The following CEP57 variants were observed in gnomAD, a reference collection of about 807,000 sequenced individuals.
CEP57 encodes the protein centrosomal protein of 57 kDa.
A neutral mutation model predicts 68.0 loss-of-function variants in CEP57; 40 were observed. The observed-to-expected ratio is 0.59, with a 90% confidence interval of 0.46 to 0.77. CEP57 has a LOEUF of 0.77. CEP57 is among the 30% of genes least tolerant of loss of function. The pLI is 0.00. For missense variants in CEP57, 606 were observed against 580.7 expected, an observed-to-expected ratio of 1.04 and a Z score of -0.45; for synonymous variants, 219 against 198.7, an observed-to-expected ratio of 1.10 and a Z score of -0.86.
intron 2 of CEP57, among the ~76,000 whole-genome samples, chr11:95,811,595 C>A (rs561665338): frequency 0.021 from 3,030 of 143,518 alleles, 40 homozygotes; most frequent in Non-Finnish European, 0.033. Flanking sequence ...AAAAAAAAAA[C>A]GTGATGGGAA....
At chr11:95,813,188 A>C in intron 3 of CEP57, 77 bp downstream of exon 3, 1 of 1,409,524 alleles carries the variant, frequency 7.1e-7, no homozygotes, top group Non-Finnish European at 9.9e-7. Flanking sequence ...GAAATAGTAC[A>C]TTAGTGTTTT....
rs1320517902 is a variant in CEP57, at chr11:95,831,863, C to A, written c.*607C>A. On this transcript the variant is annotated 3_prime_UTR_variant, in exon 11 of 11. Coordinates refer to ENST00000325542, the MANE Select transcript of CEP57 (RefSeq NM_014679.5). ...TTTTAATCTGTTAATTTTTTAAAGA[C>A]CCAAGCAGTCATTTTGAGTTATATC... The A allele has an allele frequency of 1.3e-5, 2 of 151,866 alleles. No individual in the cohort carries two copies. Among genetic ancestry groups the A allele is most frequent in the Admixed American group, 6.6e-5 (1 of 15,226 alleles). 9.4% of individuals were successfully genotyped at this position (151,866 alleles called of 1,614,324 possible). A position where few individuals can be genotyped will look rare whatever the true frequency, so the allele number is the denominator to read the frequency against.
intron 4 of CEP57, among the ~76,000 whole-genome samples, chr11:95,816,086 T>C (rs555773051): frequency 6.6e-6 from 1 of 152,330 alleles, no homozygotes; most frequent in South Asian, 2.1e-4. Context: ...CTAGGTAATT[T>C]ATGAAAGAAA....
intron 2 of CEP57, among the ~76,000 whole-genome samples, chr11:95,811,819 T>A (rs1862075718): frequency 6.6e-6 from 1 of 152,204 alleles, no homozygotes. Context: ...CTCATTAGAA[T>A]GGCTATGATT....
chr11:95,814,259 G>A (rs1862203275), intron 4 of CEP57, among the ~76,000 whole-genome samples: 1 of 151,866 alleles, frequency 6.6e-6, no homozygotes, highest in Non-Finnish European at 1.5e-5. Context: ...GATGTGGCCA[G>A]GCTGGTCTCA....
intron 2 of CEP57, among the ~76,000 whole-genome samples, chr11:95,809,217 A>G (rs1002626396): frequency 6.6e-6 from 1 of 152,216 alleles, no homozygotes; most frequent in Non-Finnish European, 1.5e-5. Context: ...GTAGAGGGAA[A>G]TTTATAGCAC....
intron 2 of CEP57, among the ~76,000 whole-genome samples, chr11:95,804,422 C>T (rs117990683): frequency 0.017 from 2,594 of 152,136 alleles, 38 homozygotes; most frequent in South Asian, 0.064. Context: ...TAGGTATAAG[C>T]CTTAAATGTT....
intron 2 of CEP57, among the ~76,000 whole-genome samples, chr11:95,801,470 T>G (rs1335669267): frequency 1.1e-5 from 1 of 95,026 alleles, no homozygotes; most frequent in Non-Finnish European, 2.1e-5. Context: ...AAAAAAAAAA[T>G]GACTGAAGCC....
At chr11:95,826,608 A>C (rs962587015) in intron 8 of CEP57, 4 of 152,186 alleles carry the variant, frequency 2.6e-5, no homozygotes, top group African/African-American at 9.7e-5. Context: ...AGGAAAAAAA[A>C]ATTTCATTAT....
In CEP57 at chr11:95,831,795, G is replaced by A. The variant is rs1235825072; in HGVS notation, c.*539G>A. ...TCAGAGGATTTTTATTTTGCTTTTT[G>A]GCATTTCAGACTTTGATCAGTGTTA... On this transcript the variant is annotated 3_prime_UTR_variant, in exon 11 of 11. Coordinates refer to ENST00000325542, the MANE Select transcript of CEP57 (RefSeq NM_014679.5). 6.6e-6 allele frequency: 1 copy of A among 151,724 alleles called. No individual in the cohort carries two copies. The highest frequency in any genetic ancestry group is 1.9e-4 in the East Asian group (1 of 5,174). The allele number at this position is 151,724 out of a possible 1,614,324, so 9.4% of individuals were successfully genotyped here.
Position 95,817,878 on chromosome 11 carries a change from T to C in CEP57, c.596T>C (p.Leu199Pro), listed in dbSNP as rs753689335. 2 of 1,612,534 alleles carry C rather than the reference T, an allele frequency of 1.2e-6. No homozygotes were observed. The highest frequency in any genetic ancestry group is 2.7e-5 in the African/African-American group (2 of 74,878). Residue 199 changes from leucine (L) to proline (P), a missense_variant, in exon 5 of 11, where the codon CTT (leucine) becomes CCT (proline). Transcript: ENST00000325542. ...CTTCTTGAACAGGAGTATAACAAAC[T>C]TACCACAATGCAGGCCCTTGCAGAA... is the stretch of plus-strand genomic sequence containing the variant. ...LDLLEQEYNK[L>P]TTMQALAEKK... is the part of the protein sequence containing the mutation.
chr11:95,799,449 C>CT, intron 2 of CEP57, 61 bp downstream of exon 2: 1 of 1,593,360 alleles, frequency 6.3e-7, no homozygotes, highest in Non-Finnish European at 8.6e-7. Flanking sequence ...AAATTCTTAA[C>CT]TTTGTCCTCC....
At chr11:95,803,335 GA>G (rs1228756702) in intron 2 of CEP57, among the ~76,000 whole-genome samples, 1 of 152,144 alleles carries the variant, frequency 6.6e-6, no homozygotes, top group Non-Finnish European at 1.5e-5. Flanking sequence ...AAGTATAATA[GA>G]GAACACTACT....
chr11:95,825,847 C>T (rs1862719671), intron 8 of CEP57: 1 of 152,118 alleles, frequency 6.6e-6, no homozygotes, highest in South Asian at 2.1e-4. Context: ...ATCCACCTGC[C>T]TCAGCCTCCC....
In CEP57 at chr11:95,821,924, G is replaced by C. The variant is rs11742; in HGVS notation, c.753G>C (p.Pro251=). The C allele has an allele frequency of 1.2e-6, 2 of 1,612,476 alleles. No homozygotes were observed. Among genetic ancestry groups the C allele is most frequent in the Non-Finnish European group, 8.5e-7 (1 of 1,179,420 alleles). The change falls in exon 7 of 11, where the codon CCG becomes CCC. Residue 251 remains proline (P), a synonymous_variant. Coordinates refer to ENST00000325542, the MANE Select transcript of CEP57 (RefSeq NM_014679.5). Reference sequence around the variant, plus strand: ...TTATCTTTGAAGATAAGGCAACTCCGTGTGTTCCCAATGCAAGAAGAATTA... The same window carrying C: ...TTATCTTTGAAGATAAGGCAACTCCCTGTGTTCCCAATGCAAGAAGAATTA... The part of the protein sequence containing the change: ...NRLIFEDKAT[P]CVPNARRIKK...
intron 2 of CEP57, among the ~76,000 whole-genome samples, chr11:95,806,728 A>G (rs478734): frequency 0.6 from 90,550 of 152,088 alleles, 29,188 homozygotes; most frequent in African/African-American, 0.86. Context: ...CTGGAAGCTC[A>G]AACTGGGTGG....
At chr11:95,795,515 G>A in intron 1 of CEP57, 1 of 458,484 alleles carries the variant, frequency 2.2e-6, no homozygotes, top group Non-Finnish European at 3.8e-6. Context: ...TTTTTTCTTA[G>A]TGTGCAGACT....
In CEP57 at chr11:95,790,567, C is replaced by T. The variant is rs997773486; in HGVS notation, c.-132C>T. On this transcript the variant is annotated 5_prime_UTR_variant, in exon 1 of 11. Transcript: ENST00000325542. Reference sequence around the variant, plus strand: ...TTGCAGGGGTTTCCAAGCCCAGCACCAGCACCCTTGCCCTTTTCCATCAGG... The same window carrying T: ...TTGCAGGGGTTTCCAAGCCCAGCACTAGCACCCTTGCCCTTTTCCATCAGG... The T allele has an allele frequency of 3.2e-5, 35 of 1,089,646 alleles. No individual in the cohort carries two copies. Among genetic ancestry groups the T allele is most frequent in the Non-Finnish European group, 4.2e-5 (31 of 734,642 alleles). 67.5% of individuals were successfully genotyped at this position (1,089,646 alleles called of 1,614,324 possible).
intron 2 of CEP57, among the ~76,000 whole-genome samples, chr11:95,807,103 A>G (rs1366777229): frequency 1.1e-4 from 16 of 152,182 alleles, no homozygotes; most frequent in Admixed American, 7.9e-4. Context: ...TACCCAGGCA[A>G]ACGGTCTGGA....
Sources: allele counts gnomAD v4.1 joint callset (sites outside exome capture counted in the v4.1 genomes callset), GRCh38; gene constraint gnomAD v4.1.1; transcripts MANE v1.5; gene names NCBI Gene and HGNC (gene_info 2026-07-23, HGNC 2026-07-21).